TLK2: variants seen among roughly 807,000 people sequenced by gnomAD.
TLK2 encodes the protein serine/threonine-protein kinase tousled-like 2.
TLK2 carries 6 observed loss-of-function variants against 117.3 expected under a neutral mutation model. The ratio of observed to expected loss-of-function variants is 0.05; its 90% CI spans 0.03 to 0.10. The LOEUF (loss-of-function observed/expected upper bound fraction) is 0.10, where lower values mean the gene tolerates loss of function less well. Among genes scored for constraint, TLK2 ranks in the 10% least tolerant of loss-of-function variants. TLK2 has a pLI of 1.00. For synonymous variants in TLK2, 257 were observed against 316.7 expected (o/e 0.81, Z 2.00); for missense variants, 299 against 901.2 (o/e 0.33, Z 8.56).
upstream of TLK2, among the ~76,000 whole-genome samples, chr17:62,477,226 C>T (rs1296378666): frequency 6.6e-6 from 1 of 152,194 alleles, no homozygotes; most frequent in Non-Finnish European, 1.5e-5. Context: ...ACCGCCCTAA[C>T]AGGCAGTGGA....
intron 16 of TLK2, among the ~76,000 whole-genome samples, chr17:62,596,356 G>A (rs1398664522): frequency 2.0e-5 from 3 of 152,210 alleles, no homozygotes; most frequent in Admixed American, 6.5e-5. Flanking sequence ...TTACAGGCGT[G>A]AGCCACTACG....
chr17:62,607,991 C>A (rs2083442894), intron 20 of TLK2, 50 bp from the exon 21 acceptor site: 1 of 1,492,910 alleles, frequency 6.7e-7, no homozygotes, highest in African/African-American at 1.4e-5. Context: ...ATTGTTTTCT[C>A]TATAATTTTC....
chr17:62,565,767 A>G lies in TLK2; in HGVS notation c.968+630A>G, dbSNP rs978064063. Reference sequence around the variant, plus strand: ...TTTCTATCTTTCTAATTATATAATGAATTTTCATTAAGAGTCTATTGAGCA... The same window carrying G: ...TTTCTATCTTTCTAATTATATAATGGATTTTCATTAAGAGTCTATTGAGCA... On this transcript the variant is annotated intron_variant, in intron 11 of 21. Coordinates refer to ENST00000346027, the MANE Select transcript of TLK2 (RefSeq NM_006852.6). Among the ~76,000 whole-genome samples, 139 of 152,294 alleles carry G rather than the reference A, an allele frequency of 9.1e-4. 1 individual carries two copies. The highest frequency in any genetic ancestry group is 2.9e-5 in the Non-Finnish European group (2 of 68,028).
chr17:62,574,465 G>A (rs1221716975), intron 12 of TLK2: 2 of 847,748 alleles, frequency 2.4e-6, no homozygotes, highest in African/African-American at 1.7e-5. Flanking sequence ...CGATAAAAAT[G>A]TGCATAATGA....
intron 2 of TLK2, among the ~76,000 whole-genome samples, chr17:62,487,470 G>A (rs1598141515): frequency 6.8e-6 from 1 of 146,632 alleles, no homozygotes; most frequent in East Asian, 2.0e-4. Flanking sequence ...AGTGAGCTGA[G>A]ATCGCGCCAT....
intron 2 of TLK2, among the ~76,000 whole-genome samples, chr17:62,484,637 C>CA (rs2072118393): frequency 6.6e-6 from 1 of 152,080 alleles, no homozygotes; most frequent in African/African-American, 2.4e-5. Context: ...TCGTACCTCT[C>CA]AGACTATTGA....
At chr17:62,477,845 T>C (rs2071114851), upstream of TLK2, 1 of 152,238 alleles carries the variant, frequency 6.6e-6, no homozygotes, top group Non-Finnish European at 1.5e-5. Context: ...CCTCAGGAGA[T>C]ACTCTGTGAG....
At chr17:62,542,618 T>C (rs1438632119) in intron 7 of TLK2, among the ~76,000 whole-genome samples, 1 of 152,226 alleles carries the variant, frequency 6.6e-6, no homozygotes, top group Non-Finnish European at 1.5e-5. Flanking sequence ...ATTTACAATA[T>C]TATGATTGTT....
In TLK2 at chr17:62,553,580, C is replaced by G. The variant is rs190924653; in HGVS notation, c.628-83C>G. 96 of 958,000 alleles carry G rather than the reference C, an allele frequency of 1.0e-4. No individual in the cohort carries two copies. In the African/African-American group the frequency reaches 1.5e-3, roughly 15 times the overall value. 59.3% of individuals were successfully genotyped at this position (958,000 alleles called of 1,614,324 possible). On this transcript the variant is annotated intron_variant, in intron 8 of 21. Coordinates refer to ENST00000346027, the MANE Select transcript of TLK2 (RefSeq NM_006852.6). ...GTGAGCAAGTGCTTTTTCCCACCCC[C>G]CCGAGAAAGGTAATGAGAAGAGTGT... is the stretch of plus-strand genomic sequence containing the variant.
intron 5 of TLK2, among the ~76,000 whole-genome samples, chr17:62,523,440 TGTG>T (rs1339586650): frequency 6.6e-6 from 1 of 152,130 alleles, no homozygotes; most frequent in Non-Finnish European, 1.5e-5. Flanking sequence ...ATTAGCCAGG[TGTG>T]GTGGCACACA....
intron 11 of TLK2, among the ~76,000 whole-genome samples, chr17:62,568,608 G>A (rs1212257739): frequency 6.6e-6 from 1 of 151,874 alleles, no homozygotes; most frequent in Middle Eastern, 3.4e-3. Context: ...ATTTTGAGAC[G>A]GAGCCTCACT....
chr17:62,568,205 G>A (rs2079958588), intron 11 of TLK2, among the ~76,000 whole-genome samples: 1 of 152,042 alleles, frequency 6.6e-6, no homozygotes, highest in South Asian at 2.1e-4. Flanking sequence ...GCTGAGATGG[G>A]CAGATCACTT....
intron 9 of TLK2, among the ~76,000 whole-genome samples, chr17:62,559,092 T>C (rs1394277054): frequency 6.6e-6 from 1 of 152,188 alleles, no homozygotes; most frequent in Non-Finnish European, 1.5e-5. Flanking sequence ...TTCTCTGTTA[T>C]TGCAGGAGGC....
chr17:62,533,363 A>G (rs1461109901), intron 6 of TLK2, among the ~76,000 whole-genome samples: 1 of 116,066 alleles, frequency 8.6e-6, no homozygotes, highest in African/African-American at 3.2e-5. Context: ...GTATTCCTAT[A>G]CGGGGTGTGT....
intron 7 of TLK2, among the ~76,000 whole-genome samples, chr17:62,542,760 G>T (rs1355919995): frequency 1.3e-5 from 2 of 152,158 alleles, no homozygotes; most frequent in Non-Finnish European, 2.9e-5. Flanking sequence ...TTAATGGCAA[G>T]TCTGTTGTTT....
upstream of TLK2, chr17:62,478,223 G>A (rs1251080968): frequency 1.3e-5 from 2 of 151,868 alleles, no homozygotes; most frequent in Non-Finnish European, 2.9e-5. Context: ...CGGGAAGTCC[G>A]GGCGGGGTCC....
intron 1 of TLK2, among the ~76,000 whole-genome samples, chr17:62,480,620 T>A (rs986381914): frequency 3.3e-5 from 5 of 152,204 alleles, no homozygotes; most frequent in African/African-American, 1.2e-4. Context: ...AGGAGCTGTA[T>A]AATAGTGATT....
chr17:62,566,135 T>C (rs1310409435), intron 11 of TLK2, among the ~76,000 whole-genome samples: 1 of 152,250 alleles, frequency 6.6e-6, no homozygotes, highest in African/African-American at 2.4e-5. Flanking sequence ...AGCTTAGATC[T>C]TTAAATGTAT....
chr17:62,508,568 C>T, intron 2 of TLK2: 3 of 984,576 alleles, frequency 3.0e-6, no homozygotes, highest in Non-Finnish European at 2.4e-6. Context: ...TGAGGACTTA[C>T]AAAAAGAAAA....
Sources: gnomAD v4.1 joint callset for allele counts (sites outside exome capture counted in the v4.1 genomes callset) on GRCh38, gnomAD v4.1.1 for gene constraint, MANE v1.5 for transcripts, NCBI Gene and HGNC (gene_info 2026-07-23, HGNC 2026-07-21) for gene names.